Variants in MANBA observed in about 807,000 individuals in gnomAD.
MANBA encodes mannosidase beta, also known as beta-mannosidase.
A neutral mutation model predicts 111.1 loss-of-function variants in MANBA; 83 were observed. The observed-to-expected ratio is 0.75, with a 90% CI of 0.63 to 0.90. MANBA has a LOEUF of 0.90. Ranked by LOEUF, MANBA falls within the 40% of genes least tolerant of loss-of-function variation. The pLI, the probability that MANBA is intolerant of heterozygous loss-of-function variation, is 0.00. For synonymous variants in MANBA, 370 were observed against 378.7 expected (o/e 0.98, Z 0.27); for missense variants, 1,036 against 1,069.0 (o/e 0.97, Z 0.43).
chr4:102,668,347 C>G, intron 10 of MANBA: 1 of 126,374 alleles, frequency 7.9e-6, no homozygotes, highest in Non-Finnish European at 1.9e-5. Context: ...CTGGAGTCGG[C>G]CATTTCTCTA....
chr4:102,720,093 A>C (rs995460735), intron 4 of MANBA, among the ~76,000 whole-genome samples: 1 of 152,234 alleles, frequency 6.6e-6, no homozygotes, highest in Non-Finnish European at 1.5e-5. Context: ...TTGAAAAGTA[A>C]CTTTTCACAT....
Position 102,632,295 on chromosome 4 carries a change from A to AC in MANBA, c.2416-15_2416-14insG. 6.4e-7 allele frequency: 1 copy of AC among 1,561,928 alleles called. No homozygotes were observed. The highest frequency in any genetic ancestry group is 1.1e-5 in the South Asian group (1 of 89,942). ...AGAGATGATGGCCTGAAAAAGAAAAAAAAAAATGAATGAAGTGAAGGATGA... is the reference window on the plus strand; with the variant it reads ...AGAGATGATGGCCTGAAAAAGAAAAACAAAAAATGAATGAAGTGAAGGATGA... On this transcript the variant is annotated splice_polypyrimidine_tract_variant and intron_variant, in intron 16 of 16. Coordinates refer to ENST00000647097, the MANE Select transcript of MANBA (RefSeq NM_005908.4).
rs963298713 is a variant in MANBA, at chr4:102,631,619, C to T, written c.*438G>A. On this transcript the variant is annotated 3_prime_UTR_variant, in exon 17 of 17. Coordinates refer to ENST00000647097, the MANE Select transcript of MANBA (RefSeq NM_005908.4). ...GTTGTAACATTTCAATCGCCATTCCCTCTGAAATAATAACAAAGCACTTTA... is the reference window on the plus strand; with the variant it reads ...GTTGTAACATTTCAATCGCCATTCCTTCTGAAATAATAACAAAGCACTTTA... 1.9e-5 allele frequency: 8 copies of T among 413,186 alleles called. No individual in the cohort carries two copies. The highest frequency in any genetic ancestry group is 3.4e-5 in the Non-Finnish European group (8 of 234,942). The allele number at this position is 413,186 out of a possible 1,614,324, so 25.6% of individuals were successfully genotyped here. A position where few individuals can be genotyped will look rare whatever the true frequency, so the allele number is the denominator to read the frequency against.
chr4:102,644,112 T>C (rs764463931), intron 13 of MANBA, among the ~76,000 whole-genome samples: 8 of 152,304 alleles, frequency 5.3e-5, no homozygotes, highest in South Asian at 2.1e-4. Context: ...TTCTTTTGCA[T>C]GTGGATATCC....
At chr4:102,727,569 C>G (rs554567046) in intron 1 of MANBA, 2 of 1,605,988 alleles carry the variant, frequency 1.2e-6, no homozygotes, top group Non-Finnish European at 1.7e-6. Context: ...CACCTGGGGA[C>G]GAGAGCAATG....
intron 12 of MANBA, among the ~76,000 whole-genome samples, chr4:102,651,576 T>G (rs558783533): frequency 1.2e-4 from 18 of 152,224 alleles, no homozygotes; most frequent in African/African-American, 4.1e-4. Flanking sequence ...TTACACAGAC[T>G]TTGAAAAAAC....
chr4:102,655,075 A>G (rs1345614581), intron 12 of MANBA, among the ~76,000 whole-genome samples: 2 of 152,204 alleles, frequency 1.3e-5, no homozygotes, highest in Non-Finnish European at 2.9e-5. Flanking sequence ...GAAATTAAGA[A>G]AATAATTTAT....
intron 1 of MANBA, among the ~76,000 whole-genome samples, chr4:102,734,051 T>C (rs1214187169): frequency 6.6e-6 from 1 of 152,222 alleles, no homozygotes; most frequent in South Asian, 2.1e-4. Context: ...TATACATTTG[T>C]CCAAACCCAC....
At chr4:102,754,831 A>G (rs1228343177) in intron 1 of MANBA, among the ~76,000 whole-genome samples, 1 of 152,196 alleles carries the variant, frequency 6.6e-6, no homozygotes, top group Non-Finnish European at 1.5e-5. Context: ...CTGGAATTAC[A>G]GGCGTGAGCC....
At chr4:102,713,334 C>T (rs1722167477) in intron 5 of MANBA, among the ~76,000 whole-genome samples, 1 of 152,158 alleles carries the variant, frequency 6.6e-6, no homozygotes, top group Non-Finnish European at 1.5e-5. Context: ...TTCTCAAATC[C>T]TCACTGATCT....
At chr4:102,730,087 G>C in intron 1 of MANBA, 2 of 889,480 alleles carry the variant, frequency 2.2e-6, no homozygotes, top group Non-Finnish European at 3.4e-6. Flanking sequence ...TGGACACTGG[G>C]CCCACTTGTG....
chr4:102,703,491 AAGATT>A (rs1422289724), intron 5 of MANBA, among the ~76,000 whole-genome samples: 10 of 152,216 alleles, frequency 6.6e-5, no homozygotes, highest in Non-Finnish European at 1.5e-4. Flanking sequence ...AATTAGCTAC[AAGATT>A]AGAAATTACA....
At chr4:102,653,860 T>C (rs1268686988) in intron 12 of MANBA, among the ~76,000 whole-genome samples, 2 of 152,054 alleles carry the variant, frequency 1.3e-5, no homozygotes, top group African/African-American at 4.8e-5. Context: ...GAAAAGAAAA[T>C]CTATCAGCTC....
intron 1 of MANBA, chr4:102,751,303 C>A (rs1723780887): frequency 3.0e-6 from 1 of 333,828 alleles, no homozygotes; most frequent in East Asian, 7.4e-5. Context: ...TTCTCGCTTA[C>A]CTGTGCAGTC....
At chr4:102,714,337 T>C in intron 5 of MANBA, 101 bp downstream of exon 5, 1 of 1,211,592 alleles carries the variant, frequency 8.3e-7, no homozygotes, top group Non-Finnish European at 1.2e-6. Context: ...TTTTTAAAAA[T>C]TCTAAATCTC....
chr4:102,690,572 T>C (rs1732427810), intron 6 of MANBA, 24 bp downstream of exon 6: 5 of 1,602,502 alleles, frequency 3.1e-6, no homozygotes, highest in Non-Finnish European at 3.4e-6. Flanking sequence ...CATCCAGTGC[T>C]TCTCAGGAAG....
intron 5 of MANBA, among the ~76,000 whole-genome samples, chr4:102,706,506 A>G (rs1034153751): frequency 3.3e-5 from 5 of 152,266 alleles, no homozygotes; most frequent in African/African-American, 1.2e-4. Context: ...AGTGGTTGTT[A>G]TACCAGATGC....
chr4:102,655,448 T>TGTAATTACTATACTTACTACAA (rs1730520032), intron 12 of MANBA, among the ~76,000 whole-genome samples: 1 of 152,192 alleles, frequency 6.6e-6, no homozygotes. Context: ...AGACAGTGCA[T>TGTAATTACTATACTTACTACAA]AGTGACATGA....
chr4:102,654,491 A>G (rs1310868954), intron 12 of MANBA, among the ~76,000 whole-genome samples: 1 of 152,222 alleles, frequency 6.6e-6, no homozygotes, highest in African/African-American at 2.4e-5. Context: ...TAAGCAAATT[A>G]TAGTTGTGTT....
Sources: allele counts gnomAD v4.1 joint callset (sites outside exome capture counted in the v4.1 genomes callset), GRCh38; gene constraint gnomAD v4.1.1; transcripts MANE v1.5; gene names NCBI Gene and HGNC (gene_info 2026-07-23, HGNC 2026-07-21).